DDX39B: variants seen among roughly 807,000 people sequenced by gnomAD.
The protein encoded by DDX39B is spliceosome RNA helicase DDX39B.
A neutral mutation model predicts 46.4 loss-of-function variants in DDX39B; 6 were observed. The ratio of observed to expected loss-of-function variants is 0.13; its 90% confidence interval spans 0.07 to 0.26. The LOEUF is 0.26. DDX39B is among the 10% of genes least tolerant of loss of function. The pLI, the probability that DDX39B is intolerant of heterozygous loss-of-function variation, is 1.00. For missense variants in DDX39B, 185 were observed against 553.4 expected (o/e 0.33, Z 6.68); for synonymous variants, 174 against 199.4 (o/e 0.87, Z 1.07).
intron 4 of DDX39B, 118 bp from the exon 5 acceptor site, chr6:31,536,801 CT>C (rs781707463): frequency 2.3e-6 from 3 of 1,315,006 alleles, no homozygotes. Context: ...CTAAAACTAA[CT>C]TTAGAGGGCA....
At chr6:31,538,950 A>C in intron 3 of DDX39B, 95 bp from the exon 4 acceptor site, 3 of 1,483,104 alleles carry the variant, frequency 2.0e-6, no homozygotes, top group Non-Finnish European at 2.8e-6. Context: ...CTGGGCCGAT[A>C]ATAAATGACT....
chr6:31,535,531 G>A lies in DDX39B; in HGVS notation c.617-46C>T, dbSNP rs1462798899. The A allele has an allele frequency of 6.1e-6, 9 of 1,485,288 alleles. No individual in the cohort carries two copies. 92.0% of individuals were successfully genotyped at this position (1,485,288 alleles called of 1,614,324 possible). ...ATTGTAGGAGAAAATAAGCAGGTAT[G>A]ATAAACAAAGATTAGAGGTAGACTT... On this transcript the variant is annotated intron_variant, in intron 5 of 10. Coordinates refer to ENST00000396172, the MANE Select transcript of DDX39B (RefSeq NM_004640.7). This position sits in a 1 kb window ranked among gnomAD's most constrained non-coding sequence, Gnocchi z 4.6.
In DDX39B at chr6:31,531,229, A is replaced by C. The variant is rs746343032; in HGVS notation, c.978-32T>G. 3 of 1,614,094 alleles carry C rather than the reference A, an allele frequency of 1.9e-6. No individual in the cohort carries two copies. The highest frequency in any genetic ancestry group is 2.5e-6 in the Non-Finnish European group (3 of 1,179,964). On this transcript the variant is annotated intron_variant, in intron 8 of 10. Coordinates refer to ENST00000396172, the MANE Select transcript of DDX39B (RefSeq NM_004640.7). The surrounding 1 kb of genome is among the most constrained non-coding windows in gnomAD (Gnocchi z 5.8). Reference sequence around the variant, plus strand: ...GAGAAAGGAAATTTAAAACATGTTGAGATTCCCTTCTCTCAACTGTCTTTT... The same window carrying C: ...GAGAAAGGAAATTTAAAACATGTTGCGATTCCCTTCTCTCAACTGTCTTTT...
chr6:31,531,229 A>G lies in DDX39B; in HGVS notation c.978-32T>C, dbSNP rs746343032. The G allele has an allele frequency of 3.1e-6, 5 of 1,613,976 alleles. No homozygotes were observed. Among genetic ancestry groups the G allele is most frequent in the Non-Finnish European group, 4.2e-6 (5 of 1,179,972 alleles). On this transcript the variant is annotated intron_variant, in intron 8 of 10. Transcript: ENST00000396172. This position sits in a 1 kb window ranked among gnomAD's most constrained non-coding sequence, Gnocchi z 5.8. ...GAGAAAGGAAATTTAAAACATGTTG[A>G]GATTCCCTTCTCTCAACTGTCTTTT... is the stretch of plus-strand genomic sequence containing the variant.
intron 1 of DDX39B, 63 bp downstream of exon 1, chr6:31,541,887 T>C (rs1469485859): frequency 1.1e-5 from 7 of 633,696 alleles, no homozygotes; most frequent in African/African-American, 1.8e-5. Context: ...CAGGAACCCA[T>C]GTGACGGGAT....
At chr6:31,536,738 C>CA in intron 4 of DDX39B, 55 bp from the exon 5 acceptor site, 1 of 1,581,512 alleles carries the variant, frequency 6.3e-7, no homozygotes, top group Non-Finnish European at 8.6e-7. Flanking sequence ...AGTCCAATCC[C>CA]CCCAGGGTTC....
At position 31,531,223 on chromosome 6, in the gene DDX39B, ATGT is replaced by A. The variant is rs1226327503; in HGVS notation, c.978-29_978-27del. ...CTTTGTGAGAAAGGAAATTTAAAAC[ATGT>A]TGAGATTCCCTTCTCTCAACTGTCT... On this transcript the variant is annotated intron_variant, in intron 8 of 10. Transcript: ENST00000396172. The surrounding 1 kb of genome is among the most constrained non-coding windows in gnomAD (Gnocchi z 5.8). 1.2e-6 allele frequency: 2 copies of A among 1,614,136 alleles called. No homozygotes were observed. The highest frequency in any genetic ancestry group is 4.5e-5 in the East Asian group (2 of 44,890).
chr6:31,530,713 G>C lies in DDX39B; in HGVS notation c.1270+66C>G, dbSNP rs1219133833. ...ATCAGATGCCCATGACCTATGTGAT[G>C]GGATTTCGGACAAACACACTAAGGA... On this transcript the variant is annotated intron_variant, in intron 10 of 10. Coordinates refer to ENST00000396172, the MANE Select transcript of DDX39B (RefSeq NM_004640.7). This position sits in a 1 kb window ranked among gnomAD's most constrained non-coding sequence, Gnocchi z 4.5. 1 of 1,577,268 alleles carries C rather than the reference G, an allele frequency of 6.3e-7. No individual in the cohort carries two copies. The highest frequency in any genetic ancestry group is 1.7e-5 in the Admixed American group (1 of 59,178).
chr6:31,540,347 G>C lies in DDX39B; in HGVS notation c.186C>G (p.Asp62Glu). Residue 62 changes from aspartate to glutamate, a missense_variant, in exon 2 of 11, where the codon GAC becomes GAG. Transcript: ENST00000396172. ...LKPELLRAIV[D>E]CGFEHPSEVQ... ...CTTCTGACGGATGCTCAAAGCCACA[G>C]TCGACAATGGCCCGGAGCAACTCTG... is the stretch of plus-strand genomic sequence containing the variant. 6.2e-7 allele frequency: 1 copy of C among 1,614,224 alleles called. No individual in the cohort carries two copies. Among genetic ancestry groups the C allele is most frequent in the Non-Finnish European group, 8.5e-7 (1 of 1,180,048 alleles).
chr6:31,531,548 T>C lies in DDX39B; in HGVS notation c.868-143A>G. The C allele has an allele frequency of 1.4e-6, 1 of 709,718 alleles. No homozygotes were observed. The highest frequency in any genetic ancestry group is 2.4e-6 in the Non-Finnish European group (1 of 421,464). 44.0% of individuals were successfully genotyped at this position (709,718 alleles called of 1,614,324 possible). ...ATTTCTCTTATTCCCCCACTATATA[T>C]TTAGAGCAGAAAAGGAAATATAACT... is the stretch of plus-strand genomic sequence containing the variant. On this transcript the variant is annotated intron_variant, in intron 7 of 10. Transcript: ENST00000396172. This position sits in a 1 kb window ranked among gnomAD's most constrained non-coding sequence, Gnocchi z 5.8.
intron 6 of DDX39B, chr6:31,533,435 A>T (rs11796): frequency 0.38 from 60,572 of 159,848 alleles, 11,986 homozygotes; most frequent in African/African-American, 0.5. Flanking sequence ...ATGTCTTTTA[A>T]GATCAGAATG....
chr6:31,540,838 G>A lies in DDX39B; in HGVS notation c.-132-174C>T. The A allele has an allele frequency of 2.3e-5, 11 of 481,342 alleles. No homozygotes were observed. In the South Asian group the frequency reaches 2.6e-4, roughly 11 times the overall value. 29.8% of individuals were successfully genotyped at this position (481,342 alleles called of 1,614,324 possible). ...TAACAGAACAGAAAAAGCAGTACCA[G>A]GGAAAGTGGTTAGGACAGAGGTTCC... On this transcript the variant is annotated intron_variant, in intron 1 of 10. Coordinates refer to ENST00000396172, the MANE Select transcript of DDX39B (RefSeq NM_004640.7).
intron 3 of DDX39B, 124 bp from the exon 4 acceptor site, chr6:31,538,979 T>A (rs1768088998): frequency 6.7e-7 from 1 of 1,485,864 alleles, no homozygotes; most frequent in Non-Finnish European, 9.4e-7. Context: ...GTGATCTAAA[T>A]CATGAACCCC....
At position 31,538,868 on chromosome 6, in the gene DDX39B, G is replaced by A. The variant is rs116766154; in HGVS notation, c.340-13C>T. 0.014 allele frequency: 23,245 copies of A among 1,611,976 alleles called. 220 individuals are homozygous for A. The highest frequency in any genetic ancestry group is 0.02 in the Admixed American group (1,195 of 60,004). Reference sequence around the variant, plus strand: ...CCAGTACAGACACCTTAGGCAGGAAGTAGACGGAGACATATGGTAAATGTA... The same window carrying A: ...CCAGTACAGACACCTTAGGCAGGAAATAGACGGAGACATATGGTAAATGTA... On this transcript the variant is annotated splice_polypyrimidine_tract_variant and intron_variant, in intron 3 of 10. Transcript: ENST00000396172.
In DDX39B at chr6:31,534,306, C is replaced by A; in HGVS notation, c.735+1061G>T. On this transcript the variant is annotated intron_variant, in intron 6 of 10. Coordinates refer to ENST00000396172, the MANE Select transcript of DDX39B (RefSeq NM_004640.7). This position sits in a 1 kb window ranked among gnomAD's most constrained non-coding sequence, Gnocchi z 5.1. ...AGCCACCAGGCCCAGCCAAGGCAGG[C>A]TTTCTAAAGAGAAGTTCCATGGCCT... The A allele has an allele frequency of 3.1e-6, 1 of 319,838 alleles. No individual in the cohort carries two copies. The allele number at this position is 319,838 out of a possible 1,614,324, so 19.8% of individuals were successfully genotyped here. A position where few individuals can be genotyped will look rare whatever the true frequency, so the allele number is the denominator to read the frequency against.
intron 2 of DDX39B, 70 bp downstream of exon 2, chr6:31,540,252 C>G: frequency 1.3e-6 from 2 of 1,525,474 alleles, no homozygotes; most frequent in Middle Eastern, 1.7e-4. Context: ...ACCTGAGCAA[C>G]GACAAACACA....
rs757084216 is a variant in DDX39B at position 31,535,594 on chromosome 6, C to T, written c.617-109G>A. 8 of 802,388 alleles carry T rather than the reference C, an allele frequency of 1.0e-5. No homozygotes were observed. The highest frequency in any genetic ancestry group is 3.4e-5 in the African/African-American group (2 of 58,516). 49.7% of individuals were successfully genotyped at this position (802,388 alleles called of 1,614,324 possible). On this transcript the variant is annotated intron_variant, in intron 5 of 10. Transcript: ENST00000396172. The surrounding 1 kb of genome is among the most constrained non-coding windows in gnomAD (Gnocchi z 4.6). Reference sequence around the variant, plus strand: ...AAGATTGCTGGAAATAGTAACAACACAATGGAAAGAGCAATGGACTTGGAA... The same window carrying T: ...AAGATTGCTGGAAATAGTAACAACATAATGGAAAGAGCAATGGACTTGGAA...
chr6:31,530,733 T>TAAG lies in DDX39B; in HGVS notation c.1270+43_1270+45dup, dbSNP rs762728606. On this transcript the variant is annotated intron_variant, in intron 10 of 10. Coordinates refer to ENST00000396172, the MANE Select transcript of DDX39B (RefSeq NM_004640.7). The surrounding 1 kb of genome is among the most constrained non-coding windows in gnomAD (Gnocchi z 4.5). ...GTGATGGGATTTCGGACAAACACAC[T>TAAG]AAGGAACAGGGAGGACCTAAAGGGT... 1 of 1,597,202 alleles carries TAAG rather than the reference T, an allele frequency of 6.3e-7. No individual in the cohort carries two copies. Among genetic ancestry groups the TAAG allele is most frequent in the East Asian group, 2.2e-5 (1 of 44,642 alleles).
chr6:31,537,275 T>C (rs570261297), intron 4 of DDX39B, among the ~76,000 whole-genome samples: 6 of 151,482 alleles, frequency 4.0e-5, no homozygotes, highest in Non-Finnish European at 7.4e-5. Flanking sequence ...AAATACAAAA[T>C]TTACAAATTT....
Sources: gnomAD v4.1 joint callset for allele counts (sites outside exome capture counted in the v4.1 genomes callset) on GRCh38, gnomAD v4.1.1 for gene constraint, Gnocchi (gnomAD v3.1) non-coding constraint, MANE v1.5 for transcripts, NCBI Gene and HGNC (gene_info 2026-07-23, HGNC 2026-07-21) for gene names.